Variants in STOX1 observed in about 807,000 individuals in gnomAD.
The protein encoded by STOX1 is storkhead-box protein 1.
Under a neutral mutation model 74.8 loss-of-function variants are expected in STOX1, and 57 were observed. The observed-to-expected ratio is 0.76, with a 90% CI of 0.62 to 0.95. The LOEUF (loss-of-function observed/expected upper bound fraction) is 0.95, where lower values mean the gene tolerates loss of function less well. STOX1 is among the 40% of genes least tolerant of loss of function. The pLI is 0.00. For missense variants in STOX1, 1,010 were observed against 1,117.0 expected (o/e 0.90, Z 1.37); for synonymous variants, 375 against 401.3 (o/e 0.93, Z 0.78).
intron 1 of STOX1, among the ~76,000 whole-genome samples, chr10:68,854,576 G>A (rs1016544099): frequency 6.6e-6 from 1 of 152,094 alleles, no homozygotes. Context: ...GGGGTTACAG[G>A]TGTGAGCCAC....
intron 1 of STOX1, among the ~76,000 whole-genome samples, chr10:68,838,029 T>A (rs1046331702): frequency 6.6e-6 from 1 of 152,172 alleles, no homozygotes; most frequent in Non-Finnish European, 1.5e-5. Flanking sequence ...TTTGGTGATG[T>A]TGTCAATGGG....
At chr10:68,830,534 G>C (rs933907048) in intron 1 of STOX1, among the ~76,000 whole-genome samples, 6 of 151,860 alleles carry the variant, frequency 4.0e-5, no homozygotes, top group Non-Finnish European at 8.8e-5. Flanking sequence ...GTAGAGACAG[G>C]GTTTCACCAT....
Position 68,884,596 on chromosome 10 carries a change from A to G in STOX1, c.800A>G (p.Lys267Arg). ...CCAGTTGCTGCAGAAGTGACTAGGA[A>G]GAGTCACAGAGGTCTTGGGGAATCC... ...EAPVAAEVTRKSHRGLGESVS... is the reference protein window; with the variant it reads ...EAPVAAEVTRRSHRGLGESVS... Residue 267 changes from lysine to arginine, a missense_variant, in exon 3 of 4, where the codon AAG (lysine) becomes AGG (arginine). By Grantham distance (26) the Lys-to-Arg change is conservative. Transcript: ENST00000298596. 1.2e-6 allele frequency: 2 copies of G among 1,613,908 alleles called. No individual in the cohort carries two copies. Among genetic ancestry groups the G allele is most frequent in the Non-Finnish European group, 1.7e-6 (2 of 1,180,028 alleles).
At chr10:68,832,241 A>G (rs889621341) in intron 1 of STOX1, among the ~76,000 whole-genome samples, 1 of 151,858 alleles carries the variant, frequency 6.6e-6, no homozygotes, top group African/African-American at 2.4e-5. Context: ...CTGAGAATAC[A>G]CCTAACGGGA....
At chr10:68,890,286 A>G (rs1841067119) in intron 3 of STOX1, among the ~76,000 whole-genome samples, 1 of 151,664 alleles carries the variant, frequency 6.6e-6, no homozygotes, top group Admixed American at 6.6e-5. Flanking sequence ...CCTCCTGTGT[A>G]GCTGGGACCA....
chr10:68,880,929 G>A lies in STOX1; in HGVS notation c.311-1029G>A, dbSNP rs143973746. Reference sequence around the variant, plus strand: ...GGCTGGTCTCAAACTCCTGACCTCGGGTGATCCGCCCACCTCGGCCTCCCA... The same window carrying A: ...GGCTGGTCTCAAACTCCTGACCTCGAGTGATCCGCCCACCTCGGCCTCCCA... On this transcript the variant is annotated intron_variant, in intron 1 of 3. Transcript: ENST00000298596. Among the ~76,000 whole-genome samples, 790 of 152,176 alleles carry A rather than the reference G, an allele frequency of 5.2e-3. 9 individuals carry two copies. Among genetic ancestry groups the A allele is most frequent in the African/African-American group, 0.018 (746 of 41,524 alleles).
At chr10:68,882,228 TTA>T in intron 2 of STOX1, 118 bp downstream of exon 2, 1 of 969,040 alleles carries the variant, frequency 1.0e-6, no homozygotes, top group South Asian at 1.4e-5. Context: ...CTATAGAACT[TTA>T]TATCAGAACC....
At chr10:68,889,293 T>A (rs1479707886) in intron 3 of STOX1, among the ~76,000 whole-genome samples, 1 of 152,070 alleles carries the variant, frequency 6.6e-6, no homozygotes, top group Non-Finnish European at 1.5e-5. Flanking sequence ...AAAAAGTTTT[T>A]TTGATCACTT....
chr10:68,830,693 GC>G (rs2133481355), intron 1 of STOX1, among the ~76,000 whole-genome samples: 2 of 152,166 alleles, frequency 1.3e-5, no homozygotes, highest in Admixed American at 1.3e-4. Context: ...CTTGACCATG[GC>G]AAGGACAGAT....
chr10:68,850,939 C>A (rs894898679), intron 1 of STOX1, among the ~76,000 whole-genome samples: 1 of 148,514 alleles, frequency 6.7e-6, no homozygotes, highest in African/African-American at 2.5e-5. Context: ...GCCACTGCAC[C>A]CCAGCCTGGG....
At chr10:68,831,943 T>A (rs76644450) in intron 1 of STOX1, among the ~76,000 whole-genome samples, 5 of 151,160 alleles carry the variant, frequency 3.3e-5, no homozygotes, top group Non-Finnish European at 7.4e-5. Flanking sequence ...TTTTTTTTTT[T>A]AAGTGGAGAC....
intron 1 of STOX1, among the ~76,000 whole-genome samples, chr10:68,845,785 A>G (rs1839827969): frequency 6.6e-6 from 1 of 151,194 alleles, no homozygotes; most frequent in Non-Finnish European, 1.5e-5. Flanking sequence ...TATTTTTAGT[A>G]GAGACGGGGC....
chr10:68,831,112 T>C (rs1044760493), intron 1 of STOX1, among the ~76,000 whole-genome samples: 8 of 152,290 alleles, frequency 5.3e-5, no homozygotes, highest in African/African-American at 9.6e-5. Flanking sequence ...CTCACTGTTA[T>C]TTTGTAGGAA....
At chr10:68,835,098 G>A (rs1839510437) in intron 1 of STOX1, among the ~76,000 whole-genome samples, 1 of 152,130 alleles carries the variant, frequency 6.6e-6, no homozygotes, top group Non-Finnish European at 1.5e-5. Flanking sequence ...CTGTAGTGCA[G>A]TGGCATAATC....
At chr10:68,836,500 CCTT>C (rs1446298772) in intron 1 of STOX1, among the ~76,000 whole-genome samples, 7 of 152,344 alleles carry the variant, frequency 4.6e-5, no homozygotes, top group African/African-American at 1.4e-4. Context: ...CTCCGTCTGT[CCTT>C]CTGTCTCGTC....
downstream of STOX1, chr10:68,895,356 A>C (rs976894515): frequency 4.6e-5 from 7 of 152,242 alleles, no homozygotes; most frequent in African/African-American, 1.7e-4. Context: ...CAAGCTCATT[A>C]TGAAACCAGT....
At chr10:68,834,999 T>A (rs1280496388) in intron 1 of STOX1, among the ~76,000 whole-genome samples, 1 of 144,796 alleles carries the variant, frequency 6.9e-6, no homozygotes, top group Non-Finnish European at 1.5e-5. Context: ...GCTGGGCTTA[T>A]AGGCGTGAGC....
intron 1 of STOX1, among the ~76,000 whole-genome samples, chr10:68,847,294 C>G (rs1839877482): frequency 6.6e-6 from 1 of 152,050 alleles, no homozygotes; most frequent in South Asian, 2.1e-4. Flanking sequence ...AAAAGATGAC[C>G]CCAGTATAAG....
Position 68,844,693 on chromosome 10 carries a change from T to C in STOX1, c.310+16760T>C, listed in dbSNP as rs184296183. ...GTAGGATTTCTTCATATATTTTAGA[T>C]ACAAGTCCTTTGTCAGATGTGTGTT... is the stretch of plus-strand genomic sequence containing the variant. On this transcript the variant is annotated intron_variant, in intron 1 of 3. Transcript: ENST00000298596. Among the ~76,000 whole-genome samples, 219 of 152,382 alleles carry C rather than the reference T, an allele frequency of 1.4e-3. 2 individuals carry two copies. The highest frequency in any genetic ancestry group is 5.2e-3 in the African/African-American group (215 of 41,596).
Sources: gnomAD v4.1 joint callset for allele counts (sites outside exome capture counted in the v4.1 genomes callset) on GRCh38, gnomAD v4.1.1 for gene constraint, MANE v1.5 for transcripts, NCBI Gene and HGNC (gene_info 2026-07-23, HGNC 2026-07-21) for gene names.